The following SSBP2 variants were observed in gnomAD, a reference collection of about 807,000 sequenced individuals.
SSBP2 encodes the protein single stranded DNA binding protein 2.
In SSBP2, 17 loss-of-function variants were observed where a neutral mutation model predicts 61.8. The observed-to-expected ratio is 0.28, with a 90% confidence interval of 0.19 to 0.41. SSBP2 has a LOEUF of 0.41. Ranked by LOEUF, SSBP2 falls within the 10% of genes least tolerant of loss-of-function variation. The pLI, the probability that SSBP2 is intolerant of heterozygous loss-of-function variation, is 1.00. For synonymous variants in SSBP2, 139 were observed against 141.3 expected, an observed-to-expected ratio of 0.98 and a Z score of 0.12; for missense variants, 310 against 458.7, an observed-to-expected ratio of 0.68 and a Z score of 2.96.
rs934309206 is a variant in SSBP2, at chr5:81,413,882, T to C, written c.*6622A>G. 4 of 152,146 alleles carry C rather than the reference T, an allele frequency of 2.6e-5. No homozygotes were observed. The highest frequency in any genetic ancestry group is 1.9e-4 in the East Asian group (1 of 5,202). The allele number at this position is 152,146 out of a possible 1,614,324, so 9.4% of individuals were successfully genotyped here. A position where few individuals can be genotyped will look rare whatever the true frequency, so the allele number is the denominator to read the frequency against. ...TTAACTGAGCAATTTTACCAAGACA[T>C]GATGGAAAGTTAGCTGACAAATATC... On this transcript the variant is annotated 3_prime_UTR_variant, in exon 17 of 17. Transcript: ENST00000320672.
At chr5:81,701,218 A>C (rs769799022) in intron 1 of SSBP2, among the ~76,000 whole-genome samples, 1 of 152,186 alleles carries the variant, frequency 6.6e-6, no homozygotes, top group Non-Finnish European at 1.5e-5. Flanking sequence ...AGAGACAGGA[A>C]GAGAGATGGG....
chr5:81,557,610 A>C (rs1040911889), intron 4 of SSBP2, among the ~76,000 whole-genome samples: 1 of 152,104 alleles, frequency 6.6e-6, no homozygotes, highest in Admixed American at 6.6e-5. Flanking sequence ...CAAGTTTACT[A>C]ATCTTTGCTT....
intron 15 of SSBP2, among the ~76,000 whole-genome samples, chr5:81,432,932 T>TG (rs1263464116): frequency 0.02 from 1,604 of 78,672 alleles, 69 homozygotes; most frequent in African/African-American, 0.071. Flanking sequence ...GGGAGGGAGG[T>TG]GGGGGGGGTC....
intron 1 of SSBP2, among the ~76,000 whole-genome samples, chr5:81,660,801 T>C (rs1485014121): frequency 6.6e-6 from 1 of 152,112 alleles, no homozygotes; most frequent in Admixed American, 6.5e-5. Context: ...ATGTGGCACA[T>C]ACACACCATG....
chr5:81,656,892 A>C (rs1375449438), intron 1 of SSBP2, among the ~76,000 whole-genome samples: 1 of 152,164 alleles, frequency 6.6e-6, no homozygotes, highest in African/African-American at 2.4e-5. Flanking sequence ...CAAAATGAAA[A>C]AGTCATAAGT....
At chr5:81,438,478 T>C (rs1762810256) in intron 14 of SSBP2, among the ~76,000 whole-genome samples, 1 of 152,136 alleles carries the variant, frequency 6.6e-6, no homozygotes, top group South Asian at 2.1e-4. Context: ...ATAAAAATAA[T>C]ATAACATTTT....
At chr5:81,633,953 A>G (rs768513324) in intron 3 of SSBP2, among the ~76,000 whole-genome samples, 4 of 152,168 alleles carry the variant, frequency 2.6e-5, no homozygotes, top group Non-Finnish European at 4.4e-5. Context: ...TCCATTATCT[A>G]TTCTATAGAA....
At chr5:81,669,172 C>G (rs1751391163) in intron 1 of SSBP2, among the ~76,000 whole-genome samples, 1 of 151,964 alleles carries the variant, frequency 6.6e-6, no homozygotes, top group South Asian at 2.1e-4. Context: ...TACAACAAAC[C>G]CTGACAACAG....
intron 4 of SSBP2, among the ~76,000 whole-genome samples, chr5:81,559,283 A>G (rs1380336019): frequency 6.6e-6 from 1 of 150,920 alleles, no homozygotes; most frequent in Non-Finnish European, 1.5e-5. Context: ...GCTATTCAGG[A>G]GGCTGTGTCA....
intron 1 of SSBP2, among the ~76,000 whole-genome samples, chr5:81,681,426 G>A (rs1340092678): frequency 2.0e-5 from 3 of 151,192 alleles, no homozygotes; most frequent in East Asian, 1.9e-4. Flanking sequence ...AGGCTGAGAC[G>A]GAAGAATCGC....
chr5:81,463,851 C>T (rs915558602), intron 9 of SSBP2, among the ~76,000 whole-genome samples: 2 of 150,358 alleles, frequency 1.3e-5, no homozygotes, highest in Admixed American at 1.3e-4. Flanking sequence ...TCACTACAAC[C>T]TCCACCTCCC....
intron 3 of SSBP2, among the ~76,000 whole-genome samples, chr5:81,633,108 CTTTTTTTTTTT>C (rs143423636): frequency 6.2e-5 from 4 of 64,830 alleles, no homozygotes; most frequent in African/African-American, 1.4e-4. Context: ...GAGCCTCTGT[CTTTTTTTTTTT>C]TTTTTTTTTT....
intron 1 of SSBP2, among the ~76,000 whole-genome samples, chr5:81,724,467 T>TA (rs1237600608): frequency 6.6e-6 from 1 of 151,972 alleles, no homozygotes; most frequent in Non-Finnish European, 1.5e-5. Flanking sequence ...AGCCACTGTA[T>TA]AAAAAACATT....
At chr5:81,696,758 G>T (rs1195469511) in intron 1 of SSBP2, among the ~76,000 whole-genome samples, 2 of 152,178 alleles carry the variant, frequency 1.3e-5, no homozygotes, top group Non-Finnish European at 2.9e-5. Flanking sequence ...GCAGAGGGGG[G>T]CAGCATATAG....
At chr5:81,524,005 A>C (rs1769709992) in intron 4 of SSBP2, among the ~76,000 whole-genome samples, 1 of 152,024 alleles carries the variant, frequency 6.6e-6, no homozygotes, top group East Asian at 1.9e-4. Context: ...CTTTCCAATA[A>C]ATGATTTAAT....
chr5:81,716,035 TGACAGAG>T (rs1249910634), intron 1 of SSBP2, among the ~76,000 whole-genome samples: 26 of 151,402 alleles, frequency 1.7e-4, no homozygotes, highest in African/African-American at 5.8e-4. Context: ...TCAGCCTGGG[TGACAGAG>T]TGAGACCCTG....
At chr5:81,520,676 C>T (rs1769412351) in intron 4 of SSBP2, among the ~76,000 whole-genome samples, 1 of 151,828 alleles carries the variant, frequency 6.6e-6, no homozygotes, top group Non-Finnish European at 1.5e-5. Flanking sequence ...GTTATAATTT[C>T]CCATGGATAC....
At chr5:81,488,065 A>ATGTGGTGTGTGTGTGT (rs1459885301) in intron 6 of SSBP2, among the ~76,000 whole-genome samples, 3 of 97,314 alleles carry the variant, frequency 3.1e-5, no homozygotes, top group Admixed American at 1.2e-4. Flanking sequence ...ATATAAATAA[A>ATGTGGTGTGTGTGTGT]ATATCATATA....
chr5:81,480,738 G>A (rs1231040692), intron 6 of SSBP2, among the ~76,000 whole-genome samples: 1 of 152,170 alleles, frequency 6.6e-6, no homozygotes, highest in Admixed American at 6.5e-5. Flanking sequence ...AGATAACAAT[G>A]TTTATTGCAT....
Sources: allele counts gnomAD v4.1 joint callset (sites outside exome capture counted in the v4.1 genomes callset), GRCh38; gene constraint gnomAD v4.1.1; transcripts MANE v1.5; gene names NCBI Gene and HGNC (gene_info 2026-07-23, HGNC 2026-07-21).